IFT57: variants seen among roughly 807,000 people sequenced by gnomAD.
The protein encoded by IFT57 is intraflagellar transport 57, also known as intraflagellar transport protein 57 homolog.
A neutral mutation model predicts 56.8 loss-of-function variants in IFT57; 59 were observed. The ratio of observed to expected loss-of-function variants is 1.04; its 90% CI spans 0.84 to 1.29. The LOEUF (loss-of-function observed/expected upper bound fraction) is 1.29, where lower values mean the gene tolerates loss of function less well. Ranked by LOEUF, IFT57 falls within the 50% of genes most tolerant of loss-of-function variation. IFT57 has a pLI of 0.00. For missense variants in IFT57, 470 were observed against 522.1 expected (o/e 0.90, Z 0.97); for synonymous variants, 209 against 186.1 (o/e 1.12, Z -1.00).
intron 5 of IFT57, among the ~76,000 whole-genome samples, chr3:108,197,258 C>A (rs555819600): frequency 6.6e-6 from 1 of 152,118 alleles, no homozygotes; most frequent in Non-Finnish European, 1.5e-5. Context: ...AGAATTCAGG[C>A]ACTGTGCTTG....
At position 108,166,522 on chromosome 3, in the gene IFT57, T is replaced by C. The variant is rs563804831; in HGVS notation, c.981+332A>G. Reference sequence around the variant, plus strand: ...ACTATTCTTCTTCCTCCTACGCCAATGGTAAATTAACAACAGACTTATAGA... The same window carrying C: ...ACTATTCTTCTTCCTCCTACGCCAACGGTAAATTAACAACAGACTTATAGA... On this transcript the variant is annotated intron_variant, in intron 8 of 10. Transcript: ENST00000264538. 1.1e-4 allele frequency among the ~76,000 whole-genome samples: 16 copies of C among 152,204 alleles called. No homozygotes were observed. In the South Asian group the frequency reaches 3.1e-3, roughly 30 times the overall value.
chr3:108,160,948 G>T lies in IFT57; in HGVS notation c.*1529C>A, dbSNP rs2080028663. The T allele has an allele frequency of 6.6e-6, 1 of 152,116 alleles. No individual in the cohort carries two copies. The highest frequency in any genetic ancestry group is 2.4e-5 in the African/African-American group (1 of 41,426). The allele number at this position is 152,116 out of a possible 1,614,324, so 9.4% of individuals were successfully genotyped here. A position where few individuals can be genotyped will look rare whatever the true frequency, so the allele number is the denominator to read the frequency against. ...AGGTGGCTTATACTACTCATTGCAA[G>T]AATTTTTAGATTTTTTACATGTCTG... On this transcript the variant is annotated 3_prime_UTR_variant, in exon 11 of 11. Coordinates refer to ENST00000264538, the MANE Select transcript of IFT57 (RefSeq NM_018010.4).
At chr3:108,194,620 T>C (rs529460007) in intron 5 of IFT57, among the ~76,000 whole-genome samples, 2 of 152,296 alleles carry the variant, frequency 1.3e-5, no homozygotes, top group East Asian at 1.9e-4. Flanking sequence ...TAAAACAGCA[T>C]GGTTCTGGCA....
At chr3:108,179,671 AGAGT>A (rs1306920018) in intron 6 of IFT57, among the ~76,000 whole-genome samples, 1 of 152,046 alleles carries the variant, frequency 6.6e-6, no homozygotes, top group Non-Finnish European at 1.5e-5. Context: ...AGCAAAAAAG[AGAGT>A]GAGACTGTCT....
chr3:108,220,778 T>G (rs893108711), intron 1 of IFT57, among the ~76,000 whole-genome samples: 6 of 152,186 alleles, frequency 3.9e-5, no homozygotes, highest in Non-Finnish European at 8.8e-5. Flanking sequence ...AGGAATTTCA[T>G]TTCTAGTAAG....
chr3:108,164,538 C>G (rs1256564145), intron 9 of IFT57, among the ~76,000 whole-genome samples: 2 of 151,676 alleles, frequency 1.3e-5, no homozygotes, highest in Non-Finnish European at 2.9e-5. Context: ...TTTCAGGCAT[C>G]TGAAATGTTA....
intron 6 of IFT57, among the ~76,000 whole-genome samples, chr3:108,169,400 G>C (rs931401784): frequency 5.9e-5 from 9 of 151,712 alleles, no homozygotes; most frequent in African/African-American, 1.7e-4. Context: ...TTGTCAGATG[G>C]ATAGATTGCA....
At chr3:108,166,638 C>T (rs539757746) in intron 8 of IFT57, among the ~76,000 whole-genome samples, 1 of 152,080 alleles carries the variant, frequency 6.6e-6, no homozygotes, top group African/African-American at 2.4e-5. Flanking sequence ...CAAATGAAGA[C>T]GTGCATTTAA....
At chr3:108,162,708 AT>A in intron 10 of IFT57, 53 bp from the exon 11 acceptor site, 1 of 1,335,442 alleles carries the variant, frequency 7.5e-7, no homozygotes, top group Non-Finnish European at 1.0e-6. Flanking sequence ...GTATCAGTGT[AT>A]TACAGAATTG....
intron 10 of IFT57, among the ~76,000 whole-genome samples, chr3:108,163,022 A>T (rs2080042172): frequency 6.6e-6 from 1 of 152,156 alleles, no homozygotes; most frequent in African/African-American, 2.4e-5. Context: ...AGATGTAGAT[A>T]ATGGGCCCAC....
intron 6 of IFT57, among the ~76,000 whole-genome samples, chr3:108,184,399 A>G: frequency 6.6e-6 from 1 of 152,260 alleles, no homozygotes. Flanking sequence ...ATTTGAAAAA[A>G]CTTGCAGATG....
Position 108,222,347 on chromosome 3 carries a change from G to A in IFT57, c.-25C>T. On this transcript the variant is annotated 5_prime_UTR_variant, in exon 1 of 11. Transcript: ENST00000264538. ...TCGCAGAACGGACAGAGTCCAGCGT[G>A]GGCTCAGGCCCACAGACCTCTGCGG... is the stretch of plus-strand genomic sequence containing the variant. The A allele has an allele frequency of 6.3e-7, 1 of 1,587,030 alleles. No individual in the cohort carries two copies. Among genetic ancestry groups the A allele is most frequent in the Admixed American group, 1.7e-5 (1 of 58,180 alleles).
At chr3:108,205,200 C>T (rs1308093935) in intron 5 of IFT57, among the ~76,000 whole-genome samples, 3 of 151,998 alleles carry the variant, frequency 2.0e-5, no homozygotes, top group Non-Finnish European at 4.4e-5. Flanking sequence ...TGGTTTTTGC[C>T]AGTGCTGAGT....
intron 6 of IFT57, among the ~76,000 whole-genome samples, chr3:108,168,356 T>C (rs1161317275): frequency 6.6e-6 from 1 of 152,028 alleles, no homozygotes; most frequent in Non-Finnish European, 1.5e-5. Flanking sequence ...AGTTCATGTA[T>C]TTTAAAATAT....
At chr3:108,170,572 G>T (rs1395947820) in intron 6 of IFT57, among the ~76,000 whole-genome samples, 2 of 151,664 alleles carry the variant, frequency 1.3e-5, no homozygotes, top group African/African-American at 2.4e-5. Flanking sequence ...TGGCCATACT[G>T]CCCAAAGTAA....
intron 6 of IFT57, among the ~76,000 whole-genome samples, chr3:108,182,527 A>ATT (rs1212257783): frequency 1.3e-5 from 2 of 152,118 alleles, no homozygotes; most frequent in Non-Finnish European, 2.9e-5. Context: ...CCTTAGCACA[A>ATT]TGACTCTTCC....
intron 6 of IFT57, among the ~76,000 whole-genome samples, chr3:108,179,700 C>A (rs548422620): frequency 1.4e-4 from 21 of 152,022 alleles, no homozygotes; most frequent in African/African-American, 4.6e-4. Context: ...AATTAAATAA[C>A]TTTTTAAAAA....
chr3:108,170,668 C>CA (rs375732793), intron 6 of IFT57, among the ~76,000 whole-genome samples: 63,737 of 144,868 alleles, frequency 0.44, 14,085 homozygotes, highest in Middle Eastern at 0.5. Flanking sequence ...CATGTGGAAC[C>CA]AAAAAAAAAA....
chr3:108,198,948 T>A (rs2080261452), intron 5 of IFT57, among the ~76,000 whole-genome samples: 1 of 150,526 alleles, frequency 6.6e-6, no homozygotes, highest in Non-Finnish European at 1.5e-5. Flanking sequence ...TGTATTATTT[T>A]ATAGATTCTA....
Sources: allele counts gnomAD v4.1 joint callset (sites outside exome capture counted in the v4.1 genomes callset), GRCh38; gene constraint gnomAD v4.1.1; transcripts MANE v1.5; gene names NCBI Gene and HGNC (gene_info 2026-07-23, HGNC 2026-07-21).